Variants in LRRC37A observed in about 807,000 individuals in gnomAD.
LRRC37A encodes the protein leucine rich repeat containing 37A, also known as leucine-rich repeat-containing protein 37A.
LRRC37A carries 3 observed loss-of-function variants against 35.4 expected under a neutral mutation model. The observed-to-expected ratio is 0.08, with a 90% CI of 0.04 to 0.22. LRRC37A has a LOEUF of 0.22. LRRC37A is among the 10% of genes least tolerant of loss of function. LRRC37A has a pLI of 1.00. For missense variants in LRRC37A, 67 were observed against 565.3 expected, an observed-to-expected ratio of 0.12 and a Z score of 8.94; for synonymous variants, 23 against 215.0, an observed-to-expected ratio of 0.11 and a Z score of 7.81.
At chr17:46,332,650 C>T (rs371044051) in exon 10 of LRRC37A, 149,753 of 970,008 alleles carry the variant, frequency 0.15, 4 homozygotes, top group Non-Finnish European at 0.2. Context: ...TTTTCTGCCT[C>T]ATTGTGGTAA....
the LRRC37A span, among the ~76,000 whole-genome samples, chr17:46,259,044 T>TTTTTTTTTTA: frequency 7.6e-6 from 1 of 131,108 alleles, no homozygotes; most frequent in Non-Finnish European, 1.5e-5. Flanking sequence ...TTTTTTTTTT[T>TTTTTTTTTTA]TTTTTTTTTA....
the LRRC37A span, among the ~76,000 whole-genome samples, chr17:46,271,554 G>A: frequency 6.6e-6 from 1 of 152,044 alleles, no homozygotes; most frequent in Non-Finnish European, 1.5e-5. Context: ...TAAGTGTGCA[G>A]AGATCTGAAA....
At chr17:46,275,788 A>C in the LRRC37A span, among the ~76,000 whole-genome samples, 3 of 152,246 alleles carry the variant, frequency 2.0e-5, no homozygotes, top group African/African-American at 7.2e-5. Context: ...GATGAGGGGA[A>C]TATAAAGGGA....
At chr17:46,301,619 CT>C in intron 2 of LRRC37A, among the ~76,000 whole-genome samples, 1 of 41,648 alleles carries the variant, frequency 2.4e-5, no homozygotes. Flanking sequence ...TCACTGCAAC[CT>C]CCACCTCCCG....
chr17:46,277,637 T>TCTTCC, the LRRC37A span, among the ~76,000 whole-genome samples: 1,621 of 149,826 alleles, frequency 0.011, no homozygotes, highest in Admixed American at 0.022. Flanking sequence ...TTTTCTTTTC[T>TCTTCC]TTTCTTTCTT....
rs751206139 is a variant in LRRC37A at position 46,335,570 on chromosome 17, A to G, written c.4835A>G (p.Gln1612Arg). The change falls in exon 11 of 14, where the codon CAA becomes CGA. Residue 1612 changes from glutamine to arginine, a missense_variant. By Grantham distance (43) the Gln-to-Arg change is conservative. Coordinates refer to ENST00000320254, the Ensembl canonical transcript of LRRC37A. ...ATATGTTGTCACCGAAGGTCATTACAAGAAGATGAAGAAGGATTCTCAAGG... is the reference window on the plus strand; with the variant it reads ...ATATGTTGTCACCGAAGGTCATTACGAGAAGATGAAGAAGGATTCTCAAGG... 38 of 182,780 alleles carry G rather than the reference A, an allele frequency of 2.1e-4. 13 individuals are homozygous for G. Among genetic ancestry groups the G allele is most frequent in the East Asian group, 1.2e-3 (38 of 32,818 alleles). The allele number at this position is 182,780 out of a possible 1,614,324, so 11.3% of individuals were successfully genotyped here.
the LRRC37A span, among the ~76,000 whole-genome samples, chr17:46,251,769 G>A: frequency 0.039 from 5,193 of 131,898 alleles, 9 homozygotes; most frequent in Middle Eastern, 0.12. Flanking sequence ...TGCAGTTTCA[G>A]GGGCAAAATA....
upstream of LRRC37A, among the ~76,000 whole-genome samples, chr17:46,290,720 T>C (rs1015720691): frequency 6.6e-6 from 1 of 152,278 alleles, no homozygotes; most frequent in African/African-American, 2.4e-5. Flanking sequence ...GTGCTGGGAT[T>C]ATAGGCATGA....
the LRRC37A span, among the ~76,000 whole-genome samples, chr17:46,264,333 A>C: frequency 6.6e-6 from 1 of 152,228 alleles, no homozygotes; most frequent in East Asian, 1.9e-4. Flanking sequence ...ACATACACTC[A>C]AAATACCAGA....
chr17:46,298,796 T>C (rs1024057846), intron 1 of LRRC37A, among the ~76,000 whole-genome samples: 2 of 73,958 alleles, frequency 2.7e-5, no homozygotes, highest in Admixed American at 3.6e-4. Context: ...TATATATAAT[T>C]AAGTACTAAA....
chr17:46,253,790 G>C, the LRRC37A span, among the ~76,000 whole-genome samples: 1 of 151,724 alleles, frequency 6.6e-6, no homozygotes, highest in Non-Finnish European at 1.5e-5. Flanking sequence ...GGGGGAGAGG[G>C]AGAGGGAGAG....
chr17:46,252,874 C>T, the LRRC37A span, among the ~76,000 whole-genome samples: 1 of 151,816 alleles, frequency 6.6e-6, no homozygotes, highest in Admixed American at 6.6e-5. Flanking sequence ...GGCCCGTTCT[C>T]AATGAGCTGT....
chr17:46,282,111 G>GT, the LRRC37A span, among the ~76,000 whole-genome samples: 38 of 150,044 alleles, frequency 2.5e-4, no homozygotes, highest in African/African-American at 5.4e-4. Context: ...TTTTGTTTTT[G>GT]TTTTTTTTTG....
the LRRC37A span, among the ~76,000 whole-genome samples, chr17:46,259,019 A>ATTTTTTTTTTT: frequency 4.4e-4 from 35 of 79,446 alleles, 5 homozygotes; most frequent in Admixed American, 8.3e-4. Flanking sequence ...CACCCGGCCT[A>ATTTTTTTTTTT]TTTTTTTTTT....
chr17:46,314,844 A>G (rs1430476136), intron 5 of LRRC37A, among the ~76,000 whole-genome samples: 1 of 81,426 alleles, frequency 1.2e-5, no homozygotes, highest in Non-Finnish European at 3.7e-5. Flanking sequence ...GGTTAATATC[A>G]CCCTCATAGA....
At chr17:46,276,790 C>CTTTTCTTTTTTTTTTTTTTTTTT in the LRRC37A span, among the ~76,000 whole-genome samples, 2 of 134,322 alleles carry the variant, frequency 1.5e-5, no homozygotes, top group Non-Finnish European at 3.2e-5. Context: ...TTCTTTTTTT[C>CTTTTCTTTTTTTTTTTTTTTTTT]TTTTTTTTTT....
the LRRC37A span, chr17:46,267,617 T>G: frequency 1.4e-6 from 2 of 1,468,222 alleles, no homozygotes; most frequent in South Asian, 1.1e-5. Context: ...AGTCTTTTTT[T>G]GGGACGGATG....
chr17:46,288,121 A>C (rs2732611), upstream of LRRC37A, among the ~76,000 whole-genome samples: 18,685 of 148,530 alleles, frequency 0.13, 946 homozygotes, highest in Non-Finnish European at 0.19. Flanking sequence ...TGAAGGAATA[A>C]TACATGGCTA....
upstream of LRRC37A, among the ~76,000 whole-genome samples, chr17:46,289,029 G>T (rs2049996252): frequency 1.3e-5 from 2 of 151,956 alleles, no homozygotes; most frequent in Non-Finnish European, 2.9e-5. Context: ...TATGCATTTT[G>T]CCATACTTTT....
Sources: gnomAD v4.1 joint callset for allele counts (sites outside exome capture counted in the v4.1 genomes callset) on GRCh38, gnomAD v4.1.1 for gene constraint, MANE v1.5 for transcripts, NCBI Gene and HGNC (gene_info 2026-07-23, HGNC 2026-07-21) for gene names.